Variants in LRRC3C observed in about 807,000 individuals in gnomAD.
LRRC3C encodes leucine rich repeat containing 3C.
A neutral mutation model predicts 14.8 loss-of-function variants in LRRC3C; 11 were observed. That is an observed-to-expected ratio of 0.74 (90% CI 0.47 to 1.23). The LOEUF is 1.23. Ranked by LOEUF, LRRC3C falls within the 50% of genes most tolerant of loss-of-function variation. The probability of loss-of-function intolerance (pLI) is 0.00; values close to 1 mark genes in which losing one functional copy is unlikely to be tolerated. For missense variants in LRRC3C, 354 were observed against 361.8 expected, an observed-to-expected ratio of 0.98 and a Z score of 0.18; for synonymous variants, 149 against 161.5, an observed-to-expected ratio of 0.92 and a Z score of 0.59.
At chr17:39,928,227 A>G (rs1978543174) in intron 1 of LRRC3C, among the ~76,000 whole-genome samples, 1 of 152,260 alleles carries the variant, frequency 6.6e-6, no homozygotes, top group Non-Finnish European at 1.5e-5. Flanking sequence ...GCTACGTATC[A>G]TAGATTCCTC....
chr17:39,937,930 G>T (rs113778191), intron 2 of LRRC3C, among the ~76,000 whole-genome samples: 15,669 of 152,008 alleles, frequency 0.1, 913 homozygotes, highest in African/African-American at 0.12. Context: ...TCAAGAGTTC[G>T]AGACTGGCCT....
At chr17:39,930,396 TAAAAAAAAAAAAAAA>T (rs34932103) in intron 1 of LRRC3C, among the ~76,000 whole-genome samples, 7 of 48,592 alleles carry the variant, frequency 1.4e-4, no homozygotes, top group Non-Finnish European at 2.9e-4. Context: ...AAACTGACTT[TAAAAAAAAAAAAAAA>T]AAAAAAAAAA....
chr17:39,942,983 A>G (rs1978979104), intron 3 of LRRC3C, among the ~76,000 whole-genome samples: 1 of 152,162 alleles, frequency 6.6e-6, no homozygotes, highest in South Asian at 2.1e-4. Flanking sequence ...GTGAGGGAAG[A>G]TGGCAGCATC....
At chr17:39,935,432 AG>A in intron 1 of LRRC3C, among the ~76,000 whole-genome samples, 1 of 152,258 alleles carries the variant, frequency 6.6e-6, no homozygotes, top group East Asian at 1.9e-4. Context: ...TGCACACACC[AG>A]TCTTCCCTCA....
Position 39,944,065 on chromosome 17 carries a change from T to C in LRRC3C, c.159T>C (p.Tyr53=). ...CCCAGGTGCCTCCCCGGGGCTGTTA[T>C]GTGGCAAAGGAAGCAGGTGAACGGA... ...PSPQVPPRGC[Y]VAKEAGERTF... Residue 53 remains tyrosine, a synonymous_variant, in exon 4 of 4, where the codon TAT becomes TAC. Coordinates refer to ENST00000377924, the MANE Select transcript of LRRC3C (RefSeq NM_001195545.2). 6.5e-7 allele frequency: 1 copy of C among 1,536,060 alleles called. No homozygotes were observed. The highest frequency in any genetic ancestry group is 8.7e-7 in the Non-Finnish European group (1 of 1,146,880).
At chr17:39,933,651 TGAAC>T (rs1978715110) in intron 1 of LRRC3C, among the ~76,000 whole-genome samples, 3 of 151,954 alleles carry the variant, frequency 2.0e-5, no homozygotes, top group Admixed American at 6.6e-5. Context: ...GAGAATGGCG[TGAAC>T]CCGGGAGGCG....
intron 2 of LRRC3C, among the ~76,000 whole-genome samples, chr17:39,941,029 C>T (rs1978923919): frequency 1.3e-5 from 2 of 151,788 alleles, no homozygotes; most frequent in Non-Finnish European, 2.9e-5. Context: ...CAGGCGTGAG[C>T]CACCATACCT....
rs925209767 is a variant in LRRC3C, at chr17:39,944,184, C to T, written c.278C>T (p.Ser93Leu). ...TACCTGGATGCCAACCAGCTGGCAT[C>T]GGTGCCTGCTGGTGCCTTCCAGCAC... ...KLYLDANQLASVPAGAFQHLP... is the reference protein window; with the variant it reads ...KLYLDANQLALVPAGAFQHLP... Residue 93 changes from serine (S) to leucine (L), a missense_variant, in exon 4 of 4, where the codon TCG becomes TTG. Physicochemically the swap from Ser to Leu is moderately radical, Grantham distance 145 (BLOSUM62 -2). Transcript: ENST00000377924. 37 of 1,536,194 alleles carry T rather than the reference C, an allele frequency of 2.4e-5. No homozygotes were observed. The highest frequency in any genetic ancestry group is 1.7e-4 in the Middle Eastern group (1 of 5,990).
At chr17:39,942,227 T>C (rs1978959679) in intron 3 of LRRC3C, among the ~76,000 whole-genome samples, 1 of 152,236 alleles carries the variant, frequency 6.6e-6, no homozygotes, top group African/African-American at 2.4e-5. Context: ...CACTCAACCC[T>C]GGCGGGTCCT....
chr17:39,929,554 T>C (rs1407856851), intron 1 of LRRC3C: 1 of 152,196 alleles, frequency 6.6e-6, no homozygotes, highest in African/African-American at 2.4e-5. Context: ...CTAAGCACTA[T>C]TCAGAGTGAG....
chr17:39,942,643 C>A (rs1978969596), intron 3 of LRRC3C, among the ~76,000 whole-genome samples: 1 of 152,208 alleles, frequency 6.6e-6, no homozygotes, highest in South Asian at 2.1e-4. Context: ...AACCACAGCA[C>A]CCCTGGCAGG....
At chr17:39,943,663 G>A (rs1279699550) in intron 3 of LRRC3C, among the ~76,000 whole-genome samples, 5 of 152,196 alleles carry the variant, frequency 3.3e-5, no homozygotes, top group Middle Eastern at 3.4e-3. Context: ...GACCAACAAG[G>A]CCTCACAGAT....
At chr17:39,931,445 CAAA>C (rs58318948) in intron 1 of LRRC3C, among the ~76,000 whole-genome samples, 4 of 74,958 alleles carry the variant, frequency 5.3e-5, no homozygotes, top group Non-Finnish European at 1.0e-4. Flanking sequence ...GACTTCGTCT[CAAA>C]AAAAAAAAAA....
Position 39,941,351 on chromosome 17 carries a change from A to T in LRRC3C, c.-81-92A>T, listed in dbSNP as rs1978934299. The T allele has an allele frequency of 7.6e-4, 17 of 22,300 alleles. No homozygotes were observed. The South Asian group carries it at 0.019, about 24-fold the overall frequency. 1.4% of individuals were successfully genotyped at this position (22,300 alleles called of 1,614,324 possible). On this transcript the variant is annotated intron_variant, in intron 2 of 3. Transcript: ENST00000377924. ...GGGCCACAGAGTGAGACTTTATCTA[A>T]AAAAAAAAAAAAAAAAAAAGGAAGA... is the stretch of plus-strand genomic sequence containing the variant.
At chr17:39,929,138 G>A (rs1240091075) in intron 1 of LRRC3C, 5 of 152,294 alleles carry the variant, frequency 3.3e-5, no homozygotes, top group African/African-American at 1.2e-4. Flanking sequence ...CAAGAAAGGT[G>A]TCTCTGTTTT....
intron 2 of LRRC3C, among the ~76,000 whole-genome samples, chr17:39,938,534 CA>C (rs555897366): frequency 1.1e-3 from 132 of 115,580 alleles, no homozygotes; most frequent in Admixed American, 1.2e-3. Context: ...CTCATCTCTA[CA>C]AAAAAAAAAA....
chr17:39,937,679 G>T (rs559179435), intron 2 of LRRC3C, among the ~76,000 whole-genome samples: 110 of 152,144 alleles, frequency 7.2e-4, no homozygotes, highest in Non-Finnish European at 9.7e-4. Context: ...AGCCTTGAAA[G>T]CCCAGATCAA....
chr17:39,931,705 A>G (rs1405421108), intron 1 of LRRC3C, among the ~76,000 whole-genome samples: 2 of 138,762 alleles, frequency 1.4e-5, no homozygotes, highest in African/African-American at 5.5e-5. Context: ...GCTGGAGCAC[A>G]GTGGTGCAGT....
chr17:39,936,089 G>T (rs1375504069), intron 2 of LRRC3C, among the ~76,000 whole-genome samples, 195 bp downstream of exon 2: 1 of 152,188 alleles, frequency 6.6e-6, no homozygotes, highest in Non-Finnish European at 1.5e-5. Context: ...CCCTTGGAGG[G>T]AGGAGCTGTG....
Sources: gnomAD v4.1 joint callset for allele counts (sites outside exome capture counted in the v4.1 genomes callset) on GRCh38, gnomAD v4.1.1 for gene constraint, MANE v1.5 for transcripts, NCBI Gene and HGNC (gene_info 2026-07-23, HGNC 2026-07-21) for gene names.